The following HDAC9 variants were observed in gnomAD, a reference collection of about 807,000 sequenced individuals.
HDAC9 encodes MEF-2 interacting transcription repressor (MITR) protein.
In HDAC9, 41 loss-of-function variants were observed where a neutral mutation model predicts 139.4. The observed-to-expected ratio is 0.29, with a 90% CI of 0.23 to 0.38. The LOEUF (loss-of-function observed/expected upper bound fraction) is 0.38. Among genes scored for constraint, HDAC9 ranks in the 10% least tolerant of loss-of-function variants. The pLI is 1.00. For missense variants in HDAC9, 1,147 were observed against 1,297.0 expected, an observed-to-expected ratio of 0.88 and a Z score of 1.78; for synonymous variants, 517 against 476.2, an observed-to-expected ratio of 1.09 and a Z score of -1.12.
chr7:18,270,240 A>G (rs1381757199), intron 2 of HDAC9, among the ~76,000 whole-genome samples: 1 of 151,368 alleles, frequency 6.6e-6, no homozygotes, highest in Non-Finnish European at 1.5e-5. Flanking sequence ...CCTCAGTGGG[A>G]TATCTTGAAA....
At chr7:18,548,729 T>A (rs552251383) in intron 2 of HDAC9, among the ~76,000 whole-genome samples, 24 of 152,238 alleles carry the variant, frequency 1.6e-4, no homozygotes, top group Non-Finnish European at 2.4e-4. Flanking sequence ...ATTAAAAGAC[T>A]GTTCACTGAG....
intron 1 of HDAC9, among the ~76,000 whole-genome samples, chr7:18,123,376 A>G (rs372624849): frequency 2.0e-5 from 3 of 152,228 alleles, no homozygotes; most frequent in East Asian, 1.9e-4. Flanking sequence ...GTGGCATTCA[A>G]AAGTTCATTT....
At chr7:18,357,203 A>T (rs775230079) in intron 1 of HDAC9, among the ~76,000 whole-genome samples, 3 of 152,094 alleles carry the variant, frequency 2.0e-5, no homozygotes, top group Non-Finnish European at 2.9e-5. Flanking sequence ...TCTTATTGTT[A>T]CTTCGTTTCT....
chr7:18,631,179 C>T (rs534013681), intron 7 of HDAC9, among the ~76,000 whole-genome samples: 50 of 152,174 alleles, frequency 3.3e-4, no homozygotes, highest in South Asian at 1.5e-3. Flanking sequence ...TTATGATTTA[C>T]CAGAGTTTTA....
intron 1 of HDAC9, among the ~76,000 whole-genome samples, chr7:18,358,365 C>T (rs1304008870): frequency 1.3e-5 from 2 of 152,042 alleles, no homozygotes; most frequent in East Asian, 1.9e-4. Context: ...AGTTTTTTTT[C>T]CTATAAAGTT....
intron 17 of HDAC9, among the ~76,000 whole-genome samples, chr7:18,804,145 A>T (rs74667511): frequency 0.013 from 1,977 of 152,350 alleles, 45 homozygotes; most frequent in African/African-American, 0.045. Flanking sequence ...AGAAAGCTTT[A>T]CTGATAAGGA....
chr7:18,482,472 T>C (rs1795646186), intron 1 of HDAC9, among the ~76,000 whole-genome samples: 1 of 149,798 alleles, frequency 6.7e-6, no homozygotes, highest in African/African-American at 2.5e-5. Context: ...TTTCCCCTTA[T>C]GTGGATATTG....
chr7:18,661,463 G>A (rs528686577), intron 11 of HDAC9, among the ~76,000 whole-genome samples: 2 of 152,222 alleles, frequency 1.3e-5, no homozygotes, highest in Non-Finnish European at 2.9e-5. Context: ...CAGTTGTCAT[G>A]AGAATATATA....
At chr7:18,544,700 G>C (rs1010045636) in intron 2 of HDAC9, among the ~76,000 whole-genome samples, 1 of 152,114 alleles carries the variant, frequency 6.6e-6, no homozygotes, top group Admixed American at 6.5e-5. Flanking sequence ...AGGAGGATGT[G>C]GACTATTAGA....
At chr7:18,799,038 AAG>A (rs370473925) in intron 17 of HDAC9, among the ~76,000 whole-genome samples, 2,061 of 143,582 alleles carry the variant, frequency 0.014, 37 homozygotes, top group African/African-American at 0.019. Flanking sequence ...AATGTGCCCT[AAG>A]ACACACACAC....
chr7:18,667,311 A>G, intron 12 of HDAC9: 1 of 985,078 alleles, frequency 1.0e-6, no homozygotes, highest in Non-Finnish European at 1.2e-6. Flanking sequence ...AATTGCAAAA[A>G]ACACAGTAAC....
intron 1 of HDAC9, among the ~76,000 whole-genome samples, chr7:18,306,719 C>T (rs1164552525): frequency 2.6e-5 from 4 of 152,166 alleles, no homozygotes; most frequent in Non-Finnish European, 5.9e-5. Context: ...TAAGTCTTAA[C>T]TCCTCAGACT....
At chr7:18,461,428 A>C (rs191123741) in intron 1 of HDAC9, among the ~76,000 whole-genome samples, 1 of 152,204 alleles carries the variant, frequency 6.6e-6, no homozygotes, top group Non-Finnish European at 1.5e-5. Flanking sequence ...AATTTTTTTA[A>C]AAGTCCAAAA....
chr7:18,633,400 G>A (rs1371434607), intron 7 of HDAC9, among the ~76,000 whole-genome samples: 2 of 152,082 alleles, frequency 1.3e-5, no homozygotes, highest in Admixed American at 6.6e-5. Flanking sequence ...TTACTAGCAT[G>A]CTGTCAGACT....
At chr7:18,678,193 G>A (rs1253391648) in intron 12 of HDAC9, among the ~76,000 whole-genome samples, 4 of 151,562 alleles carry the variant, frequency 2.6e-5, no homozygotes, top group Non-Finnish European at 5.9e-5. Context: ...TCTTGATTAC[G>A]GTTGCTATTT....
intron 2 of HDAC9, among the ~76,000 whole-genome samples, chr7:18,230,955 G>C (rs757992563): frequency 1.3e-5 from 2 of 152,140 alleles, no homozygotes; most frequent in Non-Finnish European, 2.9e-5. Context: ...TTTAAATAGT[G>C]AGAAAAGTAT....
Position 18,590,417 on chromosome 7 carries a change from C to A in HDAC9, c.346C>A (p.Gln116Lys), listed in dbSNP as rs752387847. ...EQKLEQQRQEQEVERHRREQQ... is the reference protein window; with the variant it reads ...EQKLEQQRQEKEVERHRREQQ... ...GAAACTGGAGCAGCAGAGGCAAGAA[C>A]AGGAAGTAGAGAGGCATCGCAGAGA... is the stretch of plus-strand genomic sequence containing the variant. Residue 116 changes from glutamine (Q) to lysine (K), a missense_variant, in exon 4 of 26, where the codon CAG becomes AAG. By Grantham distance (53) the Gln-to-Lys change is moderately conservative (BLOSUM62 1). This residue lies in a region of HDAC9 where 136 missense variants were observed against 183.5 expected (regional missense o/e 0.74). Transcript: ENST00000686413. 1.1e-5 allele frequency: 17 copies of A among 1,609,334 alleles called. No homozygotes were observed. In the South Asian group the frequency reaches 1.9e-4, roughly 18 times the overall value.
chr7:18,879,418 C>A (rs34707237), intron 22 of HDAC9, among the ~76,000 whole-genome samples: 11,045 of 151,986 alleles, frequency 0.073, 1,022 homozygotes, highest in African/African-American at 0.21. Flanking sequence ...ACTATACTTC[C>A]AGGCTACAGT....
chr7:18,401,859 A>G (rs1292242332), intron 1 of HDAC9, among the ~76,000 whole-genome samples: 1 of 152,024 alleles, frequency 6.6e-6, no homozygotes, highest in Non-Finnish European at 1.5e-5. Flanking sequence ...ATTTTCTTCT[A>G]TCAAAATTAT....
Sources: gnomAD v4.1 joint callset for allele counts (sites outside exome capture counted in the v4.1 genomes callset) on GRCh38, gnomAD v4.1.1 for gene constraint, gnomAD v4.1.1 regional missense constraint, MANE v1.5 for transcripts, NCBI Gene and HGNC (gene_info 2026-07-23, HGNC 2026-07-21) for gene names.